FBXL18: variants seen among roughly 807,000 people sequenced by gnomAD.
FBXL18 encodes F-box and leucine rich repeat protein 18, also known as F-box/LRR-repeat protein 18.
Under a neutral mutation model 46.0 loss-of-function variants are expected in FBXL18, and 36 were observed. The observed-to-expected ratio is 0.78, with a 90% CI of 0.60 to 1.03. FBXL18 has a LOEUF of 1.03. Ranked by LOEUF, FBXL18 falls within the 50% of genes least tolerant of loss-of-function variation. FBXL18 has a pLI of 0.00. For synonymous variants in FBXL18, 557 were observed against 465.3 expected (o/e 1.20, Z -2.54); for missense variants, 977 against 1,004.1 (o/e 0.97, Z 0.36).
Position 5,483,480 on chromosome 7 carries a change from C to G in FBXL18, c.2001-1549G>C, listed in dbSNP as rs796329958. On this transcript the variant is annotated intron_variant, in intron 4 of 4. Transcript: ENST00000382368. ...AAAATCGAGGCTGAGCGCAGTGGCT[C>G]ATGCCTGTAATCCCAGCACTTTGGG... Among the ~76,000 whole-genome samples, 113 of 149,722 alleles carry G rather than the reference C, an allele frequency of 7.5e-4. 1 individual carries two copies. Among genetic ancestry groups the G allele is most frequent in the African/African-American group, 2.6e-3 (107 of 40,610 alleles).
intron 3 of FBXL18, 135 bp downstream of exon 3, chr7:5,500,353 C>T: frequency 2.6e-6 from 2 of 760,564 alleles, no homozygotes; most frequent in Non-Finnish European, 4.2e-6. Flanking sequence ...CCGAGACCGA[C>T]GTGGCACGCT....
At chr7:5,492,892 A>G (rs145508859) in intron 3 of FBXL18, among the ~76,000 whole-genome samples, 2 of 152,242 alleles carry the variant, frequency 1.3e-5, no homozygotes, top group Non-Finnish European at 2.9e-5. Context: ...GGGCTCCAGA[A>G]TCGTGAGACA....
At position 5,481,473 on chromosome 7, in the gene FBXL18, G is replaced by A. The variant is rs923643208; in HGVS notation, c.*302C>T. On this transcript the variant is annotated 3_prime_UTR_variant, in exon 5 of 5. Coordinates refer to ENST00000382368, the MANE Select transcript of FBXL18 (RefSeq NM_024963.6). ...CGTGGACAGGGCCCCCAGGGATTGC[G>A]GCTCAGTATACAAACCCCCCAGCCA... 42 of 277,706 alleles carry A rather than the reference G, an allele frequency of 1.5e-4. No homozygotes were observed. Among genetic ancestry groups the A allele is most frequent in the Admixed American group, 6.4e-4 (13 of 20,184 alleles). 17.2% of individuals were successfully genotyped at this position (277,706 alleles called of 1,614,324 possible).
At position 5,481,882 on chromosome 7, in the gene FBXL18, G is replaced by A; in HGVS notation, c.2050C>T (p.His684Tyr). 1 of 1,613,470 alleles carries A rather than the reference G, an allele frequency of 6.2e-7. No individual in the cohort carries two copies. The highest frequency in any genetic ancestry group is 8.5e-7 in the Non-Finnish European group (1 of 1,179,804). Reference sequence around the variant, plus strand: ...CGGATGACGTCGGTCAGGCCCTCGTGGAGCAGAGGGAAGATGACGACGTTT... The same window carrying A: ...CGGATGACGTCGGTCAGGCCCTCGTAGAGCAGAGGGAAGATGACGACGTTT... The part of the protein sequence containing the change: ...ALNVVIFPLL[H>Y]EGLTDVIRDV... The change falls in exon 5 of 5, where the codon CAC becomes TAC. Residue 684 changes from histidine (H) to tyrosine (Y), a missense_variant. By Grantham distance (83) the His-to-Tyr change is moderately conservative (BLOSUM62 2). Transcript: ENST00000382368.
intron 1 of FBXL18, among the ~76,000 whole-genome samples, chr7:5,511,641 G>A (rs575620644): frequency 1.3e-4 from 19 of 151,364 alleles, no homozygotes; most frequent in South Asian, 2.1e-4. Context: ...GGTGGTGGGC[G>A]CCTGTAGTCC....
intron 4 of FBXL18, among the ~76,000 whole-genome samples, chr7:5,486,122 C>T (rs188527750): frequency 2.7e-5 from 4 of 150,876 alleles, no homozygotes; most frequent in African/African-American, 7.3e-5. Context: ...GGCGTGCTGG[C>T]GCATGCCTGT....
chr7:5,500,858 G>T lies in FBXL18; in HGVS notation c.1411C>A (p.Pro471Thr). ...SPFSGQACPQPSSVFWSLLKN... is the reference protein window; with the variant it reads ...SPFSGQACPQTSSVFWSLLKN... ...AGCAGAGACCAGAACACGGAGGAGG[G>T]CTGGGGGCACGCCTGGCCCGAGAAG... Residue 471 changes from proline (P) to threonine (T), a missense_variant, in exon 3 of 5, where the codon CCC becomes ACC. By Grantham distance (38) the Pro-to-Thr change is conservative. Transcript: ENST00000382368. The T allele has an allele frequency of 6.2e-7, 1 of 1,606,952 alleles. No individual in the cohort carries two copies. Among genetic ancestry groups the T allele is most frequent in the Non-Finnish European group, 8.5e-7 (1 of 1,176,020 alleles).
chr7:5,474,801 G>A (rs538783309), downstream of FBXL18, among the ~76,000 whole-genome samples: 126 of 150,562 alleles, frequency 8.4e-4, no homozygotes, highest in Non-Finnish European at 1.4e-3. Flanking sequence ...TCCGCCTCCC[G>A]GGTTCAGGCC....
At chr7:5,513,360 G>C (rs193108263) in intron 1 of FBXL18, among the ~76,000 whole-genome samples, 14 of 152,266 alleles carry the variant, frequency 9.2e-5, no homozygotes, top group African/African-American at 2.9e-4. Context: ...CACTGAGAAA[G>C]GGGTCTCGGA....
chr7:5,484,365 G>C (rs560294787), intron 4 of FBXL18, among the ~76,000 whole-genome samples: 1 of 151,758 alleles, frequency 6.6e-6, no homozygotes, highest in South Asian at 2.1e-4. Context: ...CAGCTATTCG[G>C]AAGGCTGCGG....
In FBXL18 at chr7:5,501,468, G is replaced by C. The variant is rs777771408; in HGVS notation, c.801C>G (p.Ile267Met). ...TCTCCGCGAAGCTGCCAGGGACGGA[G>C]ATGAGGAAGGCGTGGAGGTTCTGAG... is the stretch of plus-strand genomic sequence containing the variant. The part of the protein sequence containing the change: ...RTPQNLHAFL[I>M]SVPGSFAESG... Residue 267 changes from isoleucine to methionine, a missense_variant, in exon 3 of 5, where the codon ATC becomes ATG. By Grantham distance (10) the Ile-to-Met change is conservative. Coordinates refer to ENST00000382368, the MANE Select transcript of FBXL18 (RefSeq NM_024963.6). 1.9e-6 allele frequency: 3 copies of C among 1,613,776 alleles called. No homozygotes were observed. The African/African-American group carries it at 4.0e-5, about 22-fold the overall frequency.
rs988193811 is a variant in FBXL18, at chr7:5,496,062, G to A, written c.1781+4426C>T. The A allele has an allele frequency of 3.0e-5, 11 of 361,174 alleles. No homozygotes were observed. The highest frequency in any genetic ancestry group is 6.2e-5 in the South Asian group (3 of 48,754). The allele number at this position is 361,174 out of a possible 1,614,324, so 22.4% of individuals were successfully genotyped here. A position where few individuals can be genotyped will look rare whatever the true frequency, so the allele number is the denominator to read the frequency against. Reference sequence around the variant, plus strand: ...GAAGGCCCTTGGCCACGGGGATTCCGTCCCAGACTCCGGAGGCCATCGGGG... The same window carrying A: ...GAAGGCCCTTGGCCACGGGGATTCCATCCCAGACTCCGGAGGCCATCGGGG... On this transcript the variant is annotated intron_variant, in intron 3 of 4. Coordinates refer to ENST00000382368, the MANE Select transcript of FBXL18 (RefSeq NM_024963.6). The surrounding 1 kb of genome is among the most constrained non-coding windows in gnomAD (Gnocchi z 4.8).
At chr7:5,469,716 A>T (rs1028042807) in intron 4 of FBXL18, among the ~76,000 whole-genome samples, 2 of 151,882 alleles carry the variant, frequency 1.3e-5, no homozygotes, top group African/African-American at 4.8e-5. Context: ...CCGTGTAAGT[A>T]GAGTGCGTGT....
At chr7:5,503,320 G>A (rs903876495) in intron 2 of FBXL18, among the ~76,000 whole-genome samples, 3 of 152,332 alleles carry the variant, frequency 2.0e-5, no homozygotes, top group Non-Finnish European at 2.9e-5. Flanking sequence ...GGAGGTGGAC[G>A]TTGCAGTGAG....
chr7:5,463,036 A>G (rs2128231096), intron 4 of FBXL18, among the ~76,000 whole-genome samples: 1 of 139,668 alleles, frequency 7.2e-6, no homozygotes, highest in Admixed American at 7.5e-5. Context: ...ACCAGTGAGC[A>G]CATGCAAAGA....
In FBXL18 at chr7:5,484,530, C is replaced by T. The variant is rs910473509; in HGVS notation, c.2001-2599G>A. ...TGGAAGGTGATTTTTCTTTTTTTTTCGAGACAGGGTCTTGCTCTATCTCCC... is the reference window on the plus strand; with the variant it reads ...TGGAAGGTGATTTTTCTTTTTTTTTTGAGACAGGGTCTTGCTCTATCTCCC... On this transcript the variant is annotated intron_variant, in intron 4 of 4. Coordinates refer to ENST00000382368, the MANE Select transcript of FBXL18 (RefSeq NM_024963.6). Among the ~76,000 whole-genome samples, 5 of 142,368 alleles carry T rather than the reference C, an allele frequency of 3.5e-5. 1 individual carries two copies. The South Asian group carries it at 9.1e-4, about 26-fold the overall frequency. The allele number at this position is 142,368 out of a possible 152,430, so 93.4% of individuals were successfully genotyped here. A position where few individuals can be genotyped will look rare whatever the true frequency, so the allele number is the denominator to read the frequency against.
chr7:5,458,221 G>T (rs1471282978), intron 4 of FBXL18, among the ~76,000 whole-genome samples: 1 of 152,026 alleles, frequency 6.6e-6, no homozygotes, highest in Non-Finnish European at 1.5e-5. Flanking sequence ...CAGGGAGACG[G>T]GTCCACACTG....
intron 4 of FBXL18, among the ~76,000 whole-genome samples, chr7:5,465,451 T>C (rs556130664): frequency 6.6e-6 from 1 of 152,160 alleles, no homozygotes; most frequent in African/African-American, 2.4e-5. Context: ...TCCACTCACC[T>C]CAGCCTCTCA....
intron 4 of FBXL18, among the ~76,000 whole-genome samples, chr7:5,485,116 CA>C (rs1164697563): frequency 1.3e-5 from 2 of 152,146 alleles, no homozygotes; most frequent in Non-Finnish European, 2.9e-5. Context: ...AGGAATGAAG[CA>C]GGGGGGCCTG....
Sources: allele counts gnomAD v4.1 joint callset (sites outside exome capture counted in the v4.1 genomes callset), GRCh38; gene constraint gnomAD v4.1.1; non-coding constraint Gnocchi (gnomAD v3.1); transcripts MANE v1.5; gene names NCBI Gene and HGNC (gene_info 2026-07-23, HGNC 2026-07-21).